Variants in PPP1R21 observed in about 807,000 individuals in gnomAD.
PPP1R21 encodes protein phosphatase 1 regulatory subunit 21, also known as KLRAQ motif containing 1.
PPP1R21 carries 85 observed loss-of-function variants against 112.8 expected under a neutral mutation model. That is an observed-to-expected ratio of 0.75 (90% CI 0.63 to 0.90). The LOEUF (loss-of-function observed/expected upper bound fraction) is 0.90. PPP1R21 is among the 40% of genes least tolerant of loss of function. PPP1R21 has a pLI of 0.00. For missense variants in PPP1R21, 1,199 were observed against 901.5 expected, an observed-to-expected ratio of 1.33 and a Z score of -4.23; for synonymous variants, 381 against 322.3, an observed-to-expected ratio of 1.18 and a Z score of -1.95.
chr2:48,443,278 G>C (rs1667110389), intron 1 of PPP1R21, among the ~76,000 whole-genome samples: 1 of 152,214 alleles, frequency 6.6e-6, no homozygotes, highest in South Asian at 2.1e-4. Flanking sequence ...ATGAGGGCCA[G>C]CGGGAAGAAG....
At chr2:48,457,538 T>C (rs1183154941) in intron 3 of PPP1R21, among the ~76,000 whole-genome samples, 1 of 152,222 alleles carries the variant, frequency 6.6e-6, no homozygotes, top group African/African-American at 2.4e-5. Flanking sequence ...GCTATTCTTC[T>C]ATGTAGAACG....
chr2:48,494,886 T>A (rs1381332994), intron 15 of PPP1R21, among the ~76,000 whole-genome samples: 1 of 152,028 alleles, frequency 6.6e-6, no homozygotes, highest in Non-Finnish European at 1.5e-5. Flanking sequence ...CCTGGCTAAT[T>A]TTTGTATTTT....
chr2:48,509,945 A>C (rs375644197), intron 19 of PPP1R21, 70 bp from the exon 20 acceptor site: 8 of 1,142,886 alleles, frequency 7.0e-6, no homozygotes, highest in Non-Finnish European at 1.0e-5. Flanking sequence ...GTTTTTAACA[A>C]ACTTTCCCGA....
intron 11 of PPP1R21, among the ~76,000 whole-genome samples, chr2:48,473,731 T>A (rs1668622533): frequency 6.6e-6 from 1 of 152,202 alleles, no homozygotes; most frequent in Non-Finnish European, 1.5e-5. Context: ...TGCTACCTTT[T>A]CTGGCTTTGT....
At chr2:48,495,338 G>A (rs1175952457) in intron 15 of PPP1R21, among the ~76,000 whole-genome samples, 1 of 151,998 alleles carries the variant, frequency 6.6e-6, no homozygotes, top group Non-Finnish European at 1.5e-5. Flanking sequence ...CTAGTAGCTG[G>A]GACTACAGGC....
chr2:48,454,785 TACTG>T (rs751693180), intron 3 of PPP1R21, 44 bp downstream of exon 3: 6 of 1,445,568 alleles, frequency 4.2e-6, no homozygotes, highest in Non-Finnish European at 5.8e-6. Flanking sequence ...TGTCGTTAGT[TACTG>T]ACACCTACAG....
intron 1 of PPP1R21, among the ~76,000 whole-genome samples, chr2:48,445,704 C>G (rs1259486793): frequency 6.6e-6 from 1 of 152,174 alleles, no homozygotes; most frequent in Non-Finnish European, 1.5e-5. Context: ...GTGAGTTTCC[C>G]TGCATGGGAG....
At chr2:48,448,268 A>G (rs1667334235) in intron 1 of PPP1R21, among the ~76,000 whole-genome samples, 1 of 152,230 alleles carries the variant, frequency 6.6e-6, no homozygotes, top group African/African-American at 2.4e-5. Flanking sequence ...ATATTTTGCA[A>G]AGGAAAATCC....
Position 48,501,514 on chromosome 2 carries a change from A to G in PPP1R21, c.1935+2779A>G, listed in dbSNP as rs1670111608. Among the ~76,000 whole-genome samples, 9 of 152,234 alleles carry G rather than the reference A, an allele frequency of 5.9e-5. No homozygotes were observed. The South Asian group carries it at 1.9e-3, about 31-fold the overall frequency. Reference sequence around the variant, plus strand: ...CATAACTCCATTTCATAGTTGAGGAAACCAAGGACCAAAGAGAAATAACTC... The same window carrying G: ...CATAACTCCATTTCATAGTTGAGGAGACCAAGGACCAAAGAGAAATAACTC... On this transcript the variant is annotated intron_variant, in intron 17 of 21. Transcript: ENST00000294952.
Position 48,474,838 on chromosome 2 carries a change from T to A in PPP1R21, c.1225+19T>A. ...TTGCCAAGTAAGTATGTTTGTTGCT[T>A]AGGGGTCAACTTCAAGGACTTAAGA... is the stretch of plus-strand genomic sequence containing the variant. On this transcript the variant is annotated intron_variant, in intron 12 of 21. Coordinates refer to ENST00000294952, the MANE Select transcript of PPP1R21 (RefSeq NM_001135629.3). The A allele has an allele frequency of 6.2e-7, 1 of 1,608,194 alleles. No individual in the cohort carries two copies. Among genetic ancestry groups the A allele is most frequent in the Non-Finnish European group, 8.5e-7 (1 of 1,177,326 alleles).
At chr2:48,451,452 G>A (rs1454813098) in intron 2 of PPP1R21, among the ~76,000 whole-genome samples, 1 of 152,162 alleles carries the variant, frequency 6.6e-6, no homozygotes, top group Non-Finnish European at 1.5e-5. Context: ...CTCAGCAGAT[G>A]GCAGGTCTCT....
Position 48,498,422 on chromosome 2 carries a change from A to C in PPP1R21, c.1693-71A>C, listed in dbSNP as rs898688584. On this transcript the variant is annotated intron_variant, in intron 16 of 21. Coordinates refer to ENST00000294952, the MANE Select transcript of PPP1R21 (RefSeq NM_001135629.3). Reference sequence around the variant, plus strand: ...GGGGTAGTTTTGGTTTACATTCTGTAAGATAGTTTTTGGGCCACTAAGGTT... The same window carrying C: ...GGGGTAGTTTTGGTTTACATTCTGTCAGATAGTTTTTGGGCCACTAAGGTT... 2.0e-6 allele frequency: 3 copies of C among 1,525,286 alleles called. No individual in the cohort carries two copies. The African/African-American group carries it at 4.1e-5, about 21-fold the overall frequency. The allele number at this position is 1,525,286 out of a possible 1,614,324, so 94.5% of individuals were successfully genotyped here. A position where few individuals can be genotyped will look rare whatever the true frequency, so the allele number is the denominator to read the frequency against.
At chr2:48,509,050 T>C (rs901584590) in intron 19 of PPP1R21, among the ~76,000 whole-genome samples, 5 of 152,220 alleles carry the variant, frequency 3.3e-5, no homozygotes, top group Non-Finnish European at 5.9e-5. Flanking sequence ...TCAGAAAGTT[T>C]AGTGAGCCTT....
rs188299655 is a variant in PPP1R21, at chr2:48,480,006, C to T, written c.1308C>T (p.Asp436=). 40 of 1,608,800 alleles carry T rather than the reference C, an allele frequency of 2.5e-5. No homozygotes were observed. In the African/African-American group the frequency reaches 3.2e-4, roughly 13 times the overall value. Residue 436 remains aspartate, a synonymous_variant, in exon 13 of 22, where the codon GAC becomes GAT. Transcript: ENST00000294952. The part of the protein sequence containing the change: ...NVGAALHGFH[D]VMKDISKHYS... ...GTGCTGCTCTGCATGGATTTCATGA[C>T]GTTATGAAAGGTAGGCCTTGAAAAA...
intron 18 of PPP1R21, among the ~76,000 whole-genome samples, chr2:48,506,653 G>A (rs1670391952): frequency 6.6e-6 from 1 of 152,138 alleles, no homozygotes; most frequent in African/African-American, 2.4e-5. Flanking sequence ...AGTTTAATTT[G>A]TTAGTATGTT....
Position 48,505,611 on chromosome 2 carries a change from T to A in PPP1R21, c.1968+15T>A, listed in dbSNP as rs1378879319. On this transcript the variant is annotated intron_variant, in intron 18 of 21. Coordinates refer to ENST00000294952, the MANE Select transcript of PPP1R21 (RefSeq NM_001135629.3). ...CTGACAGTGAGGTAACATGTGCTTG[T>A]CATCATGTTGTTTGTTAGTAAATAT... 2.6e-6 allele frequency: 4 copies of A among 1,544,024 alleles called. No homozygotes were observed.
At chr2:48,514,321 C>T (rs546682486) in intron 21 of PPP1R21, among the ~76,000 whole-genome samples, 3 of 152,110 alleles carry the variant, frequency 2.0e-5, no homozygotes, top group East Asian at 1.9e-4. Flanking sequence ...CTCCTGACCT[C>T]GTGATCCACC....
chr2:48,501,057 A>G (rs1670089894), intron 17 of PPP1R21, among the ~76,000 whole-genome samples: 1 of 152,234 alleles, frequency 6.6e-6, no homozygotes, highest in Non-Finnish European at 1.5e-5. Flanking sequence ...TCTTTGTTCC[A>G]GTCACAAGTC....
At chr2:48,472,972 T>C (rs1668589844) in intron 11 of PPP1R21, among the ~76,000 whole-genome samples, 2 of 141,380 alleles carry the variant, frequency 1.4e-5, no homozygotes, top group South Asian at 4.5e-4. Flanking sequence ...TAAGTAATTA[T>C]ATCAGCCTGG....
Sources: allele counts gnomAD v4.1 joint callset (sites outside exome capture counted in the v4.1 genomes callset), GRCh38; gene constraint gnomAD v4.1.1; transcripts MANE v1.5; gene names NCBI Gene and HGNC (gene_info 2026-07-23, HGNC 2026-07-21).